C11orf65: variants seen among roughly 807,000 people sequenced by gnomAD.
The protein encoded by C11orf65 is chromosome 11 open reading frame 65.
In C11orf65, 38 loss-of-function variants were observed where a neutral mutation model predicts 35.3. The observed-to-expected ratio is 1.08, with a 90% CI of 0.83 to 1.41. The LOEUF (loss-of-function observed/expected upper bound fraction) is 1.41. Ranked by LOEUF, C11orf65 falls within the 40% of genes most tolerant of loss-of-function variation. The probability of loss-of-function intolerance (pLI) is 0.00; values close to 1 mark genes in which losing one functional copy is unlikely to be tolerated. For synonymous variants in C11orf65, 105 were observed against 114.4 expected, an observed-to-expected ratio of 0.92 and a Z score of 0.53; for missense variants, 370 against 367.1, an observed-to-expected ratio of 1.01 and a Z score of -0.06.
At chr11:108,425,763 A>G (rs1276340712) in intron 3 of C11orf65, among the ~76,000 whole-genome samples, 1 of 152,194 alleles carries the variant, frequency 6.6e-6, no homozygotes, top group Admixed American at 6.5e-5. Flanking sequence ...ATACTGGCAA[A>G]CCGAATCTAG....
At chr11:108,346,017 G>A (rs1317533578) in intron 2 of C11orf65, 1 of 1,313,930 alleles carries the variant, frequency 7.6e-7, no homozygotes, top group Non-Finnish European at 1.1e-6. Context: ...GGATGATAGT[G>A]ATGATGTGGT....
intron 6 of C11orf65, among the ~76,000 whole-genome samples, chr11:108,402,092 T>C (rs2092449928): frequency 6.6e-6 from 1 of 152,224 alleles, no homozygotes; most frequent in Non-Finnish European, 1.5e-5. Context: ...GTGGACCTTG[T>C]ACCTCTGTCT....
At chr11:108,327,856 G>C, downstream of C11orf65, 3 of 984,668 alleles carry the variant, frequency 3.0e-6, no homozygotes, top group Non-Finnish European at 4.7e-6. Flanking sequence ...ATAAAAGTAT[G>C]GTTTTATTTT....
chr11:108,422,903 C>T (rs2092840651), intron 3 of C11orf65, among the ~76,000 whole-genome samples: 1 of 151,720 alleles, frequency 6.6e-6, no homozygotes, highest in African/African-American at 2.4e-5. Flanking sequence ...AAAAGCTGGC[C>T]TGTACCTCAC....
chr11:108,349,875 G>A (rs1330666663), intron 2 of C11orf65, among the ~76,000 whole-genome samples: 1 of 152,170 alleles, frequency 6.6e-6, no homozygotes, highest in African/African-American at 2.4e-5. Context: ...GATAGCATTG[G>A]CTTTAGATTG....
At chr11:108,362,628 G>GC (rs2090907443) in intron 2 of C11orf65, among the ~76,000 whole-genome samples, 1 of 149,460 alleles carries the variant, frequency 6.7e-6, no homozygotes, top group Non-Finnish European at 1.5e-5. Flanking sequence ...CATAAAAAAT[G>GC]ATGAGTTCAT....
chr11:108,449,545 C>G (rs1328362340), intron 2 of C11orf65, among the ~76,000 whole-genome samples: 1 of 151,984 alleles, frequency 6.6e-6, no homozygotes, highest in Non-Finnish European at 1.5e-5. Context: ...AAAGGATTCC[C>G]TATTTAATAA....
At chr11:108,400,081 C>T (rs958178710) in intron 6 of C11orf65, among the ~76,000 whole-genome samples, 2 of 152,154 alleles carry the variant, frequency 1.3e-5, no homozygotes, top group Admixed American at 1.3e-4. Flanking sequence ...CTGCTACACA[C>T]CTCTTTCTTG....
chr11:108,425,899 C>T (rs1216448661), intron 3 of C11orf65, among the ~76,000 whole-genome samples: 6 of 152,274 alleles, frequency 3.9e-5, no homozygotes, highest in Middle Eastern at 3.4e-3. Flanking sequence ...ACAAAAACCA[C>T]GTGATTATCT....
chr11:108,441,319 C>G (rs964303321), intron 2 of C11orf65, among the ~76,000 whole-genome samples: 1 of 152,170 alleles, frequency 6.6e-6, no homozygotes, highest in African/African-American at 2.4e-5. Flanking sequence ...ACAAAGCAGC[C>G]GGGAAGCTCG....
At chr11:108,364,086 C>CA (rs1258856016) in intron 2 of C11orf65, among the ~76,000 whole-genome samples, 17 of 152,076 alleles carry the variant, frequency 1.1e-4, no homozygotes, top group Admixed American at 1.1e-3. Flanking sequence ...GGAGGACACT[C>CA]AAAACAGCAT....
chr11:108,401,549 A>G (rs1194302904), intron 6 of C11orf65, among the ~76,000 whole-genome samples: 1 of 152,200 alleles, frequency 6.6e-6, no homozygotes, highest in Non-Finnish European at 1.5e-5. Flanking sequence ...GTTTTCCTTG[A>G]AAAGTAAGAA....
chr11:108,333,790 A>G, intron 3 of C11orf65: 2 of 984,366 alleles, frequency 2.0e-6, no homozygotes, highest in Non-Finnish European at 3.3e-6. Context: ...CAGATTAGCA[A>G]CAAGTTGGGG....
chr11:108,394,840 G>A (rs545489109), intron 6 of C11orf65, among the ~76,000 whole-genome samples: 1 of 152,228 alleles, frequency 6.6e-6, no homozygotes, highest in East Asian at 1.9e-4. Flanking sequence ...TCCTTAAAAT[G>A]GTAATCAGGG....
At chr11:108,354,785 C>T (rs373681524) in intron 2 of C11orf65, 178 of 1,598,370 alleles carry the variant, frequency 1.1e-4, no homozygotes, top group Non-Finnish European at 1.3e-4. Flanking sequence ...TAACAAAATC[C>T]GTATTTATAA....
At chr11:108,358,323 T>A (rs2090280563) in intron 2 of C11orf65, among the ~76,000 whole-genome samples, 1 of 142,548 alleles carries the variant, frequency 7.0e-6, no homozygotes, top group Non-Finnish European at 1.5e-5. Context: ...GTCTGATTGG[T>A]GTACCTGAAA....
upstream of C11orf65, among the ~76,000 whole-genome samples, chr11:108,469,292 T>G (rs1054942041): frequency 2.0e-5 from 3 of 151,514 alleles, no homozygotes; most frequent in Non-Finnish European, 4.4e-5. Context: ...CAATTGAAAC[T>G]AGTTAGAAGG....
chr11:108,402,358 T>C (rs1213013899), intron 6 of C11orf65, among the ~76,000 whole-genome samples: 1 of 152,054 alleles, frequency 6.6e-6, no homozygotes, highest in Non-Finnish European at 1.5e-5. Flanking sequence ...GGCCTCAGAG[T>C]TCTACTTCTT....
chr11:108,346,396 A>G lies in C11orf65; in HGVS notation c.227-11104T>C, dbSNP rs45527944. ...TATTTTGTGTACAATATATATTTTG[A>G]CTTTTTTTCCCTAAGAAATTAGAAT... On this transcript the variant is annotated intron_variant, in intron 2 of 3. Coordinates refer to the C11orf65 transcript ENST00000524755. 1,111 of 153,222 alleles carry G rather than the reference A, an allele frequency of 7.3e-3. 8 individuals are homozygous for G. Among genetic ancestry groups the G allele is most frequent in the Non-Finnish European group, 0.012 (814 of 68,834 alleles). The allele number at this position is 153,222 out of a possible 1,614,324, so 9.5% of individuals were successfully genotyped here.
Sources: gnomAD v4.1 joint callset for allele counts (sites outside exome capture counted in the v4.1 genomes callset) on GRCh38, gnomAD v4.1.1 for gene constraint, MANE v1.5 for transcripts, NCBI Gene and HGNC (gene_info 2026-07-23, HGNC 2026-07-21) for gene names.